RBMS1: variants seen among roughly 807,000 people sequenced by gnomAD.
The protein encoded by RBMS1 is RNA binding motif single stranded interacting protein 1, also known as RNA-binding motif, single-stranded-interacting protein 1.
Under a neutral mutation model 62.3 loss-of-function variants are expected in RBMS1, and 17 were observed. The observed-to-expected ratio is 0.27, with a 90% CI of 0.19 to 0.41. The LOEUF is 0.41. RBMS1 is among the 10% of genes least tolerant of loss of function. RBMS1 has a pLI of 1.00. For synonymous variants in RBMS1, 172 were observed against 170.0 expected (o/e 1.01, Z -0.09); for missense variants, 334 against 504.5 (o/e 0.66, Z 3.24).
chr2:160,290,743 C>A (rs1168792310), intron 6 of RBMS1, among the ~76,000 whole-genome samples: 1 of 152,190 alleles, frequency 6.6e-6, no homozygotes, highest in African/African-American at 2.4e-5. Flanking sequence ...CCAGGCAACA[C>A]TGCAATGCAA....
intron 2 of RBMS1, among the ~76,000 whole-genome samples, chr2:160,318,832 A>G (rs190512778): frequency 6.6e-5 from 10 of 152,314 alleles, no homozygotes; most frequent in Non-Finnish European, 1.3e-4. Context: ...TATTTACACC[A>G]CTTGTAACTC....
At chr2:160,335,456 T>G (rs577792616) in intron 2 of RBMS1, among the ~76,000 whole-genome samples, 1 of 152,286 alleles carries the variant, frequency 6.6e-6, no homozygotes, top group East Asian at 1.9e-4. Context: ...TTCAAATTGT[T>G]GTGTGTAAAA....
intron 2 of RBMS1, among the ~76,000 whole-genome samples, chr2:160,342,165 A>C (rs1691906856): frequency 6.6e-6 from 1 of 152,202 alleles, no homozygotes; most frequent in Admixed American, 6.5e-5. Flanking sequence ...ATGTGTTTTG[A>C]GTATCCAATA....
intron 1 of RBMS1, among the ~76,000 whole-genome samples, chr2:160,459,064 C>A (rs1471709037): frequency 6.6e-6 from 1 of 152,212 alleles, no homozygotes; most frequent in African/African-American, 2.4e-5. Flanking sequence ...ACCTAATACC[C>A]ATCATACAGT....
intron 1 of RBMS1, among the ~76,000 whole-genome samples, chr2:160,396,075 G>A (rs566703985): frequency 1.3e-5 from 2 of 152,274 alleles, no homozygotes; most frequent in African/African-American, 4.8e-5. Flanking sequence ...TTGCTGCCAA[G>A]GAAATTAAGA....
chr2:160,351,726 A>T (rs1221426839), intron 2 of RBMS1, among the ~76,000 whole-genome samples: 1 of 152,132 alleles, frequency 6.6e-6, no homozygotes, highest in Non-Finnish European at 1.5e-5. Context: ...AAGGGACCAG[A>T]TTCTCCTTTC....
intron 1 of RBMS1, among the ~76,000 whole-genome samples, chr2:160,421,137 C>CT (rs966086609): frequency 1.3e-5 from 2 of 151,508 alleles, no homozygotes; most frequent in African/African-American, 4.8e-5. Context: ...CTAACTTATT[C>CT]TTTTTTCTTT....
chr2:160,493,386 T>C lies in RBMS1; in HGVS notation c.-23A>G. On this transcript the variant is annotated 5_prime_UTR_variant, in exon 1 of 14. Coordinates refer to ENST00000348849, the MANE Select transcript of RBMS1 (RefSeq NM_016836.4). ...CATGAAGCTGGAAGGGAGCCTGCCG[T>C]GCAGGGTCGCGGACACTTTGGGGTT... The C allele has an allele frequency of 6.2e-7, 1 of 1,610,710 alleles. No homozygotes were observed.
chr2:160,368,109 G>C (rs977647726), intron 1 of RBMS1, among the ~76,000 whole-genome samples: 6 of 152,172 alleles, frequency 3.9e-5, no homozygotes, highest in African/African-American at 1.4e-4. Context: ...AAGAATGTCT[G>C]AAATTGTACT....
intron 1 of RBMS1, among the ~76,000 whole-genome samples, chr2:160,444,823 G>A (rs1377202894): frequency 1.3e-5 from 2 of 152,152 alleles, no homozygotes; most frequent in East Asian, 3.8e-4. Context: ...AAACACATAT[G>A]CACTAAGGAA....
intron 1 of RBMS1, among the ~76,000 whole-genome samples, chr2:160,433,291 CAT>C (rs1374294421): frequency 1.3e-5 from 2 of 152,008 alleles, no homozygotes; most frequent in African/African-American, 4.8e-5. Context: ...GGTGCACACC[CAT>C]AGTCTCAGCT....
chr2:160,439,315 G>T (rs1347269737), intron 1 of RBMS1, among the ~76,000 whole-genome samples: 3 of 148,248 alleles, frequency 2.0e-5, no homozygotes, highest in Middle Eastern at 7.9e-3. Flanking sequence ...GCTGCCGGGC[G>T]GAAGGGCTCC....
At chr2:160,354,985 C>T (rs1470261055) in intron 2 of RBMS1, among the ~76,000 whole-genome samples, 4 of 152,114 alleles carry the variant, frequency 2.6e-5, no homozygotes, top group Non-Finnish European at 5.9e-5. Context: ...CCTTTCCTCC[C>T]ACTCAGTTCC....
chr2:160,493,521 G>GTCCTCC lies in RBMS1; in HGVS notation c.-164_-159dup, dbSNP rs1237269335. 2.9e-5 allele frequency: 18 copies of GTCCTCC among 621,538 alleles called. No homozygotes were observed. The South Asian group carries it at 2.9e-4, about 10-fold the overall frequency. The allele number at this position is 621,538 out of a possible 1,614,324, so 38.5% of individuals were successfully genotyped here. A position where few individuals can be genotyped will look rare whatever the true frequency, so the allele number is the denominator to read the frequency against. ...CTCCACCTCCCAGCCGGGACCAGAC[G>GTCCTCC]TCCTCCTCCTCCTCCTCCTCTTCCT... On this transcript the variant is annotated 5_prime_UTR_variant, in exon 1 of 14. Transcript: ENST00000348849.
chr2:160,394,852 C>T (rs549630435), intron 1 of RBMS1, among the ~76,000 whole-genome samples: 117 of 152,252 alleles, frequency 7.7e-4, no homozygotes, highest in Middle Eastern at 3.4e-3. Flanking sequence ...TGGTGAAGCA[C>T]TAAGTAAAAG....
intron 1 of RBMS1, among the ~76,000 whole-genome samples, chr2:160,385,526 T>C (rs1229748083): frequency 1.3e-5 from 2 of 152,180 alleles, no homozygotes; most frequent in Non-Finnish European, 2.9e-5. Context: ...CTGTCATTGT[T>C]CTGGGATTTT....
chr2:160,300,256 G>A (rs192521027), intron 6 of RBMS1, among the ~76,000 whole-genome samples: 67 of 152,288 alleles, frequency 4.4e-4, no homozygotes, highest in Non-Finnish European at 8.7e-4. Context: ...GGAGAAAGTG[G>A]CTAAAGTGGA....
Position 160,404,037 on chromosome 2 carries a change from G to T in RBMS1, c.76-36646C>A, listed in dbSNP as rs180826896. Among the ~76,000 whole-genome samples, 7 of 151,988 alleles carry T rather than the reference G, an allele frequency of 4.6e-5. No homozygotes were observed. In the East Asian group the frequency reaches 1.4e-3, roughly 29 times the overall value. On this transcript the variant is annotated intron_variant, in intron 1 of 13. Coordinates refer to ENST00000348849, the MANE Select transcript of RBMS1 (RefSeq NM_016836.4). ...ATAAATGGTTTCATTTTGGTTTTTG[G>T]GGTGCTCTTTTCATACGATCAGATT...
chr2:160,418,289 C>T (rs1696283617), intron 1 of RBMS1, among the ~76,000 whole-genome samples: 1 of 152,190 alleles, frequency 6.6e-6, no homozygotes, highest in Admixed American at 6.5e-5. Context: ...AGTACTGTTC[C>T]GGCACACGGC....
Sources: gnomAD v4.1 joint callset for allele counts (sites outside exome capture counted in the v4.1 genomes callset) on GRCh38, gnomAD v4.1.1 for gene constraint, MANE v1.5 for transcripts, NCBI Gene and HGNC (gene_info 2026-07-23, HGNC 2026-07-21) for gene names.